SELENBP1: variants seen among roughly 807,000 people sequenced by gnomAD.
SELENBP1 encodes the protein selenium binding protein 1, also known as methanethiol oxidase.
Under a neutral mutation model 61.0 loss-of-function variants are expected in SELENBP1, and 71 were observed. The observed-to-expected ratio is 1.16, with a 90% confidence interval of 0.96 to 1.42. SELENBP1 has a LOEUF of 1.42. Ranked by LOEUF, SELENBP1 falls within the 40% of genes most tolerant of loss-of-function variation. The probability of loss-of-function intolerance (pLI) is 0.00; values close to 1 mark genes in which losing one functional copy is unlikely to be tolerated. For missense variants in SELENBP1, 561 were observed against 605.0 expected, an observed-to-expected ratio of 0.93 and a Z score of 0.76; for synonymous variants, 270 against 238.9, an observed-to-expected ratio of 1.13 and a Z score of -1.20.
chr1:151,370,817 C>T (rs1334790740), intron 1 of SELENBP1, among the ~76,000 whole-genome samples: 1 of 152,206 alleles, frequency 6.6e-6, no homozygotes, highest in Non-Finnish European at 1.5e-5. Flanking sequence ...TCTGCCTTCA[C>T]AGCTGGGCCG....
intron 7 of SELENBP1, 98 bp from the exon 8 acceptor site, chr1:151,365,944 G>T: frequency 7.8e-7 from 1 of 1,280,130 alleles, no homozygotes; most frequent in South Asian, 1.3e-5. Context: ...GACCTGGGAG[G>T]GAGAGAATAG....
intron 6 of SELENBP1, 25 bp downstream of exon 6, chr1:151,366,697 T>C (rs2102093146): frequency 6.2e-7 from 1 of 1,608,992 alleles, no homozygotes; most frequent in East Asian, 2.2e-5. Context: ...CCAAGGCTCC[T>C]GCTGGCACAT....
chr1:151,366,954 A>G, intron 5 of SELENBP1, 50 bp from the exon 6 acceptor site: 1 of 1,589,312 alleles, frequency 6.3e-7, no homozygotes, highest in East Asian at 2.2e-5. Context: ...AGAGACACTA[A>G]CCCCACCCTC....
At position 151,365,653 on chromosome 1, in the gene SELENBP1, GT is replaced by G; in HGVS notation, c.953del (p.Asp318AlafsTer15). The G allele has an allele frequency of 6.2e-7, 1 of 1,614,170 alleles. No homozygotes were observed. Among genetic ancestry groups the G allele is most frequent in the East Asian group, 2.2e-5 (1 of 44,876 alleles). On this transcript the variant is annotated frameshift_variant, in exon 9 of 12. Coordinates refer to ENST00000368868, the MANE Select transcript of SELENBP1 (RefSeq NM_003944.4). LOFTEE classifies it high-confidence loss of function. The stretch of plus-strand genomic sequence containing the variant: ...AGTTGCTGAAGTAGAGGAAGCGGTC[GT>G]CCAGGGAGAGCAGGATGTCGGTGAT... The part of the protein sequence containing the change: ...GLITDILLSL[D>X]DRFLYFSNWL...
chr1:151,368,574 C>T (rs1057146296), intron 4 of SELENBP1, among the ~76,000 whole-genome samples: 22 of 152,214 alleles, frequency 1.4e-4, no homozygotes, highest in Non-Finnish European at 3.1e-4. Flanking sequence ...TGAAGGCACA[C>T]GCAGCCCTGT....
intron 1 of SELENBP1, among the ~76,000 whole-genome samples, chr1:151,370,547 C>A (rs575328103): frequency 1.3e-5 from 2 of 152,260 alleles, no homozygotes; most frequent in African/African-American, 4.8e-5. Context: ...GAGGCCTGCC[C>A]ACCAGAGAGA....
rs1208103703 is a variant in SELENBP1 at position 151,369,537 on chromosome 1, C to T, written c.79G>A (p.Val27Ile). 8 of 1,608,372 alleles carry T rather than the reference C, an allele frequency of 5.0e-6. No individual in the cohort carries two copies. The highest frequency in any genetic ancestry group is 2.2e-5 in the East Asian group (1 of 44,750). ...EAMKGPREEI[V>I]YLPCIYRNTG... ...TTTCGGTAAATGCAGGGCAGGTAGACGATCTCTTCCCTGGGTCCTGCACGG... is the reference window on the plus strand; with the variant it reads ...TTTCGGTAAATGCAGGGCAGGTAGATGATCTCTTCCCTGGGTCCTGCACGG... Residue 27 changes from valine to isoleucine, a missense_variant, in exon 3 of 12, where the codon GTC (valine) becomes ATC (isoleucine). By Grantham distance (29) the Val-to-Ile change is conservative (BLOSUM62 3). Coordinates refer to ENST00000368868, the MANE Select transcript of SELENBP1 (RefSeq NM_003944.4).
intron 4 of SELENBP1, 137 bp downstream of exon 4, chr1:151,368,867 A>T (rs1571284487): frequency 6.8e-6 from 6 of 886,292 alleles, no homozygotes; most frequent in African/African-American, 1.7e-5. Flanking sequence ...CTGAGGTCCA[A>T]CCTCCCTCCC....
In SELENBP1 at chr1:151,366,903, C is replaced by G; in HGVS notation, c.483G>C (p.Gly161=). ...SLGDVKGNGK[G]GFVLLDGETF... Reference sequence around the variant, plus strand: ...TCTCCCCATCCAGCAGCACAAAACCCCCTGAACAGGGAAGGAAGCAGGGTG... The same window carrying G: ...TCTCCCCATCCAGCAGCACAAAACCGCCTGAACAGGGAAGGAAGCAGGGTG... The change falls in exon 6 of 12, where the codon GGG becomes GGC. Residue 161 remains glycine (G), a splice_region_variant and synonymous_variant. Coordinates refer to ENST00000368868, the MANE Select transcript of SELENBP1 (RefSeq NM_003944.4). The G allele has an allele frequency of 6.2e-7, 1 of 1,613,604 alleles. No homozygotes were observed. The highest frequency in any genetic ancestry group is 8.5e-7 in the Non-Finnish European group (1 of 1,179,654).
intron 5 of SELENBP1, 54 bp downstream of exon 5, chr1:151,368,145 T>C: frequency 3.8e-6 from 6 of 1,585,110 alleles, no homozygotes; most frequent in Non-Finnish European, 5.2e-6. Flanking sequence ...GAAAAATGCT[T>C]CCCACATTTC....
rs1285389129 is a variant in SELENBP1, at chr1:151,366,130, C to A, written c.843+145G>T. 10 of 1,002,124 alleles carry A rather than the reference C, an allele frequency of 1.0e-5. No individual in the cohort carries two copies. In the Admixed American group the frequency reaches 1.8e-4, roughly 18 times the overall value. The allele number at this position is 1,002,124 out of a possible 1,614,324, so 62.1% of individuals were successfully genotyped here. A position where few individuals can be genotyped will look rare whatever the true frequency, so the allele number is the denominator to read the frequency against. On this transcript the variant is annotated intron_variant, in intron 7 of 11. Coordinates refer to ENST00000368868, the MANE Select transcript of SELENBP1 (RefSeq NM_003944.4). ...CCAGTTAGGGTTCAGGCAGAAGTTG[C>A]CCTAGCACTGAGAGAAGAGAGACAG...
chr1:151,367,357 A>AAAAAAAAAAAAAAAGAAAAG (rs1651892691), intron 5 of SELENBP1: 1 of 146,102 alleles, frequency 6.8e-6, no homozygotes, highest in Admixed American at 6.9e-5. Context: ...AAAAAAAAAA[A>AAAAAAAAAAAAAAAGAAAAG]AAAGAGAAAA....
chr1:151,369,374 GGGGGCCCA>G (rs1434986805), intron 3 of SELENBP1, 60 bp downstream of exon 3: 1 of 1,484,922 alleles, frequency 6.7e-7, no homozygotes. Flanking sequence ...GCTGGGAAGG[GGGGGCCCA>G]GGGCCAGGGA....
chr1:151,365,390 G>A (rs1005406936), intron 9 of SELENBP1, 109 bp from the exon 10 acceptor site: 27 of 1,456,564 alleles, frequency 1.9e-5, no homozygotes, highest in Non-Finnish European at 2.5e-5. Flanking sequence ...GACATGCTCT[G>A]CATGCCCATC....
chr1:151,365,745 T>A (rs1185868358), intron 8 of SELENBP1, 23 bp downstream of exon 8: 2 of 1,614,078 alleles, frequency 1.2e-6, no homozygotes, highest in East Asian at 4.5e-5. Context: ...AAGAATCAAC[T>A]TTCCTATGCC....
At position 151,372,140 on chromosome 1, in the gene SELENBP1, G is replaced by A. The variant is rs80025007; in HGVS notation, c.4+498C>T. The stretch of plus-strand genomic sequence containing the variant: ...GGGGAGGCATTGAAACAGGTCCCCA[G>A]TGAAAGAGTGTGGGGGTCTCTGATT... On this transcript the variant is annotated intron_variant, in intron 1 of 11. Coordinates refer to ENST00000368868, the MANE Select transcript of SELENBP1 (RefSeq NM_003944.4). Among the ~76,000 whole-genome samples, 697 of 152,222 alleles carry A rather than the reference G, an allele frequency of 4.6e-3. 3 individuals are homozygous for A. Among genetic ancestry groups the A allele is most frequent in the African/African-American group, 0.016 (660 of 41,548 alleles).
At position 151,364,455 on chromosome 1, in the gene SELENBP1, G is replaced by T; in HGVS notation, c.*88C>A. 6.6e-7 allele frequency: 1 copy of T among 1,523,434 alleles called. No individual in the cohort carries two copies. Among genetic ancestry groups the T allele is most frequent in the Non-Finnish European group, 9.1e-7 (1 of 1,103,192 alleles). The allele number at this position is 1,523,434 out of a possible 1,614,324, so 94.4% of individuals were successfully genotyped here. A position where few individuals can be genotyped will look rare whatever the true frequency, so the allele number is the denominator to read the frequency against. On this transcript the variant is annotated 3_prime_UTR_variant, in exon 12 of 12. Coordinates refer to ENST00000368868, the MANE Select transcript of SELENBP1 (RefSeq NM_003944.4). ...TGGCTGTGTGGTACATGCTGCCAAGGGTCGGGTGCCAAGAGAGAGCAGAAT... is the reference window on the plus strand; with the variant it reads ...TGGCTGTGTGGTACATGCTGCCAAGTGTCGGGTGCCAAGAGAGAGCAGAAT...
intron 7 of SELENBP1, 166 bp downstream of exon 7, chr1:151,366,108 GT>G: frequency 9.4e-6 from 8 of 848,572 alleles, no homozygotes; most frequent in Non-Finnish European, 1.5e-5. Flanking sequence ...AATACGGCCA[GT>G]TAGGGTTCAG....
Position 151,365,963 on chromosome 1 carries a change from C to G in SELENBP1, c.844-117G>C, listed in dbSNP as rs1053119122. 1.5e-5 allele frequency: 17 copies of G among 1,099,482 alleles called. No homozygotes were observed. The African/African-American group carries it at 2.5e-4, about 16-fold the overall frequency. 68.1% of individuals were successfully genotyped at this position (1,099,482 alleles called of 1,614,324 possible). A position where few individuals can be genotyped will look rare whatever the true frequency, so the allele number is the denominator to read the frequency against. On this transcript the variant is annotated intron_variant, in intron 7 of 11. Transcript: ENST00000368868. The stretch of plus-strand genomic sequence containing the variant: ...TGGGAGGGAGAGAATAGATGCCCGG[C>G]CTTCTTGCCAGCAGGATCTAACTCC...
Sources: gnomAD v4.1 joint callset for allele counts (sites outside exome capture counted in the v4.1 genomes callset) on GRCh38, gnomAD v4.1.1 for gene constraint, MANE v1.5 for transcripts, NCBI Gene and HGNC (gene_info 2026-07-23, HGNC 2026-07-21) for gene names.